ZFHX3: variants seen among roughly 807,000 people sequenced by gnomAD.
ZFHX3 encodes the protein zinc finger homeobox protein 3.
A neutral mutation model predicts 279.1 loss-of-function variants in ZFHX3; 42 were observed. That is an observed-to-expected ratio of 0.15 (90% confidence interval 0.12 to 0.19). The LOEUF (loss-of-function observed/expected upper bound fraction) is 0.19. Ranked by LOEUF, ZFHX3 falls within the 10% of genes least tolerant of loss-of-function variation. The pLI is 1.00. For synonymous variants in ZFHX3, 2,293 were observed against 1,957.8 expected, an observed-to-expected ratio of 1.17 and a Z score of -4.52; for missense variants, 4,981 against 4,754.0, an observed-to-expected ratio of 1.05 and a Z score of -1.40.
In ZFHX3 at chr16:73,577,244, T is replaced by G. The variant is rs538858484; in HGVS notation, c.-1547+102936A>C. On this transcript the variant is annotated intron_variant, in intron 2 of 17. Transcript: ENST00000641206. ...TTTCCCTTAAAATATGGGAGACAGG[T>G]AGTCAATTGAAAGGAAGTTCAGGTA... Among the ~76,000 whole-genome samples the G allele has an allele frequency of 8.5e-5, 13 of 152,318 alleles. 1 individual carries two copies. The highest frequency in any genetic ancestry group is 3.1e-4 in the African/African-American group (13 of 41,580).
intron 1 of ZFHX3, among the ~76,000 whole-genome samples, chr16:73,803,284 C>T (rs1392755025): frequency 6.6e-6 from 1 of 152,186 alleles, no homozygotes; most frequent in Non-Finnish European, 1.5e-5. Flanking sequence ...AACAATAACA[C>T]ATCAGTGTTG....
Position 73,392,353 on chromosome 16 carries a change from A to C in ZFHX3, c.-1291+63650T>G, listed in dbSNP as rs1056447106. Among the ~76,000 whole-genome samples the C allele has an allele frequency of 2.2e-5, 3 of 134,688 alleles. No individual in the cohort carries two copies. The Admixed American group carries it at 2.5e-4, about 11-fold the overall frequency. The allele number at this position is 134,688 out of a possible 152,430, so 88.4% of individuals were successfully genotyped here. Reference sequence around the variant, plus strand: ...CGGGACCCTTGAACCCTGGAGGTGGAGGCTGCAGTAAGCTGAGATCACACC... The same window carrying C: ...CGGGACCCTTGAACCCTGGAGGTGGCGGCTGCAGTAAGCTGAGATCACACC... On this transcript the variant is annotated intron_variant, in intron 3 of 17. Coordinates refer to the ZFHX3 transcript ENST00000641206.
In ZFHX3 at chr16:72,795,948, G is replaced by A. The variant is rs750842718; in HGVS notation, c.6734C>T (p.Ser2245Leu). 78 of 1,614,158 alleles carry A rather than the reference G, an allele frequency of 4.8e-5. No homozygotes were observed. Among genetic ancestry groups the A allele is most frequent in the Non-Finnish European group, 6.4e-5 (76 of 1,180,034 alleles). Residue 2245 changes from serine (S) to leucine (L), a missense_variant, in exon 9 of 10, where the codon TCA becomes TTA. Transcript: ENST00000268489. Reference protein sequence around the residue: ...KQEYWGSKRSSRTRFTDYQLR... With the variant: ...KQEYWGSKRSLRTRFTDYQLR... ...CTGGTAGTCCGTAAACCTTGTTCTT[G>A]AAGACCTCTTGCTTCCCCAGTACTC...
intron 2 of ZFHX3, among the ~76,000 whole-genome samples, chr16:73,566,499 C>T (rs1032515486): frequency 2.0e-5 from 3 of 152,232 alleles, no homozygotes; most frequent in South Asian, 2.1e-4. Flanking sequence ...CTGGTGGCTC[C>T]GGTGTCCTTT....
At chr16:73,565,237 G>A (rs964565973) in intron 2 of ZFHX3, among the ~76,000 whole-genome samples, 37 of 150,744 alleles carry the variant, frequency 2.5e-4, no homozygotes, top group Non-Finnish European at 2.4e-4. Context: ...CTGAGCAACA[G>A]AGCCAGACCC....
At chr16:73,322,260 C>T (rs116990665) in intron 3 of ZFHX3, among the ~76,000 whole-genome samples, 208 of 145,872 alleles carry the variant, frequency 1.4e-3, no homozygotes, top group Non-Finnish European at 2.6e-3. Flanking sequence ...AAAGAGAGAA[C>T]GCATTTGAAT....
At chr16:73,789,544 A>ACACTGAT (rs1244535149) in intron 1 of ZFHX3, among the ~76,000 whole-genome samples, 1 of 152,180 alleles carries the variant, frequency 6.6e-6, no homozygotes, top group African/African-American at 2.4e-5. Context: ...GGTTCAAAAC[A>ACACTGAT]CACTGATGTC....
intron 1 of ZFHX3, among the ~76,000 whole-genome samples, chr16:73,842,630 G>A (rs1249476334): frequency 6.6e-6 from 1 of 152,134 alleles, no homozygotes; most frequent in Non-Finnish European, 1.5e-5. Context: ...GCAGGACAGT[G>A]ACAGCCAAGG....
At chr16:73,230,071 T>C (rs1208940849) in intron 5 of ZFHX3, among the ~76,000 whole-genome samples, 1 of 152,142 alleles carries the variant, frequency 6.6e-6, no homozygotes. Flanking sequence ...AGATGACAGA[T>C]AATAGAAAGA....
At chr16:73,310,342 G>C (rs1340375379) in intron 4 of ZFHX3, among the ~76,000 whole-genome samples, 3 of 152,150 alleles carry the variant, frequency 2.0e-5, no homozygotes, top group Non-Finnish European at 4.4e-5. Context: ...AGGATGATAA[G>C]AAAAAGTGAC....
intron 4 of ZFHX3, among the ~76,000 whole-genome samples, chr16:72,863,113 C>T (rs2037924648): frequency 6.6e-6 from 1 of 151,620 alleles, no homozygotes; most frequent in Non-Finnish European, 1.5e-5. Flanking sequence ...AAAAATAATC[C>T]ATGTATTAGG....
At chr16:73,733,698 C>T (rs148042451) in intron 1 of ZFHX3, among the ~76,000 whole-genome samples, 510 of 152,130 alleles carry the variant, frequency 3.4e-3, no homozygotes, top group Non-Finnish European at 5.0e-3. Flanking sequence ...ATTTTAGTTG[C>T]GTTTTGTTCA....
At chr16:73,237,043 A>G (rs1482847575) in intron 5 of ZFHX3, among the ~76,000 whole-genome samples, 1 of 152,188 alleles carries the variant, frequency 6.6e-6, no homozygotes, top group Admixed American at 6.5e-5. Context: ...TCTCACTACA[A>G]CCAGTGATAT....
At chr16:73,248,645 ATG>A (rs145260850) in intron 5 of ZFHX3, among the ~76,000 whole-genome samples, 10,204 of 148,968 alleles carry the variant, frequency 0.068, 496 homozygotes, top group Admixed American at 0.14. Context: ...TGGAGAATGT[ATG>A]TGTGTGTGTG....
intron 4 of ZFHX3, among the ~76,000 whole-genome samples, chr16:73,282,921 T>A (rs1801828271): frequency 6.6e-6 from 1 of 152,228 alleles, no homozygotes; most frequent in South Asian, 2.1e-4. Flanking sequence ...TTATTGAGCA[T>A]CTATTATGTG....
At chr16:73,040,784 C>T (rs888603759) in intron 1 of ZFHX3, among the ~76,000 whole-genome samples, 1 of 152,150 alleles carries the variant, frequency 6.6e-6, no homozygotes, top group African/African-American at 2.4e-5. Flanking sequence ...AGCCAATATC[C>T]GGAGAAGCTT....
intron 1 of ZFHX3, among the ~76,000 whole-genome samples, chr16:73,813,251 CTCTCTGTT>C (rs1261107411): frequency 1.4e-5 from 2 of 147,100 alleles, no homozygotes; most frequent in African/African-American, 5.3e-5. Flanking sequence ...CTCTCTCTCT[CTCTCTGTT>C]AAGTTAATGT....
chr16:73,665,845 C>G (rs1325902532), intron 2 of ZFHX3, among the ~76,000 whole-genome samples: 2 of 111,498 alleles, frequency 1.8e-5, no homozygotes, highest in Non-Finnish European at 3.4e-5. Context: ...AAGGCAGAGT[C>G]TTGCTCTGTC....
At chr16:73,273,416 G>A (rs936866452) in intron 4 of ZFHX3, among the ~76,000 whole-genome samples, 3 of 152,158 alleles carry the variant, frequency 2.0e-5, no homozygotes, top group African/African-American at 7.2e-5. Context: ...CATAAAATGA[G>A]TTCTGACTCC....
Sources: allele counts gnomAD v4.1 joint callset (sites outside exome capture counted in the v4.1 genomes callset), GRCh38; gene constraint gnomAD v4.1.1; transcripts MANE v1.5; gene names NCBI Gene and HGNC (gene_info 2026-07-23, HGNC 2026-07-21).